The following MED12L variants were observed in gnomAD, a reference collection of about 807,000 sequenced individuals.
MED12L encodes the protein mediator complex subunit 12L.
In MED12L, 60 loss-of-function variants were observed where a neutral mutation model predicts 281.3. The ratio of observed to expected loss-of-function variants is 0.21; its 90% CI spans 0.17 to 0.26. The LOEUF (loss-of-function observed/expected upper bound fraction) is 0.26, where lower values mean the gene tolerates loss of function less well. Among genes scored for constraint, MED12L ranks in the 10% least tolerant of loss-of-function variants. The pLI, the probability that MED12L is intolerant of heterozygous loss-of-function variation, is 1.00. For synonymous variants in MED12L, 974 were observed against 987.2 expected, an observed-to-expected ratio of 0.99 and a Z score of 0.25; for missense variants, 2,146 against 2,680.9, an observed-to-expected ratio of 0.80 and a Z score of 4.41.
intron 25 of MED12L, among the ~76,000 whole-genome samples, chr3:151,369,160 G>A (rs763980521): frequency 1.1e-4 from 16 of 152,208 alleles, no homozygotes; most frequent in Admixed American, 2.6e-4. Context: ...ATAGGCATGT[G>A]TCTGTGTGAG....
intron 16 of MED12L, among the ~76,000 whole-genome samples, chr3:151,253,295 A>G (rs1198294310): frequency 6.6e-6 from 1 of 152,196 alleles, no homozygotes; most frequent in African/African-American, 2.4e-5. Flanking sequence ...CAAGTTTTGC[A>G]CTGTGCCGGA....
Position 151,385,171 on chromosome 3 carries a change from G to A in MED12L, c.5068G>A (p.Asp1690Asn). 6.5e-7 allele frequency: 1 copy of A among 1,539,116 alleles called. No homozygotes were observed. Among genetic ancestry groups the A allele is most frequent in the South Asian group, 1.2e-5 (1 of 84,432 alleles). The stretch of plus-strand genomic sequence containing the variant: ...AAAAGGAAACAAAATTGCTGGATTT[G>A]ACTCTATAGATAAAAAACAGGCAAG... ...DTKGNKIAGFDSIDKKQGLQV... is the reference protein window; with the variant it reads ...DTKGNKIAGFNSIDKKQGLQV... The change falls in exon 36 of 45, where the codon GAC becomes AAC. Residue 1690 changes from aspartate to asparagine, a missense_variant. Coordinates refer to ENST00000687756, the MANE Select transcript of MED12L (RefSeq NM_001393769.1).
intron 16 of MED12L, among the ~76,000 whole-genome samples, chr3:151,312,505 T>C (rs1318708490): frequency 1.3e-5 from 2 of 152,204 alleles, no homozygotes; most frequent in African/African-American, 4.8e-5. Flanking sequence ...AAGGGTACCC[T>C]CTAGACTCAA....
At position 151,382,731 on chromosome 3, in the gene MED12L, C is replaced by G. The variant is rs748672195; in HGVS notation, c.4666C>G (p.Leu1556Val). 2 of 1,610,214 alleles carry G rather than the reference C, an allele frequency of 1.2e-6. No homozygotes were observed. The highest frequency in any genetic ancestry group is 1.7e-6 in the Non-Finnish European group (2 of 1,177,946). Reference sequence around the variant, plus strand: ...GCAGATGATGCACGAAGCATTGCAACTCCGCCTAAATTTGGTAAGTGACAT... The same window carrying G: ...GCAGATGATGCACGAAGCATTGCAAGTCCGCCTAAATTTGGTAAGTGACAT... Reference protein sequence around the residue: ...ARQMMHEALQLRLNLVGGMFD... With the variant: ...ARQMMHEALQVRLNLVGGMFD... The change falls in exon 33 of 45, where the codon CTC becomes GTC. Residue 1556 changes from leucine to valine, a missense_variant. By Grantham distance (32) the Leu-to-Val change is conservative (BLOSUM62 1). Around this residue, in one of 9 missense-constraint regions of MED12L, gnomAD observed 212 missense variants for 340.8 expected, o/e 0.62. Coordinates refer to ENST00000687756, the MANE Select transcript of MED12L (RefSeq NM_001393769.1).
chr3:151,198,805 G>A lies in MED12L; in HGVS notation c.2250+5139G>A, dbSNP rs144167414. On this transcript the variant is annotated intron_variant, in intron 16 of 44. Transcript: ENST00000687756. ...TTACAAGGCAATTGGATATTAAAAT[G>A]ATGGCTGAGAAATTTAAAAATATTG... 7.9e-5 allele frequency: 128 copies of A among 1,613,308 alleles called. No homozygotes were observed. In the African/African-American group the frequency reaches 1.5e-3, roughly 19 times the overall value.
At chr3:151,293,474 C>G (rs1033948281) in intron 16 of MED12L, among the ~76,000 whole-genome samples, 1 of 151,944 alleles carries the variant, frequency 6.6e-6, no homozygotes, top group Non-Finnish European at 1.5e-5. Context: ...GCATGAAGCA[C>G]AGAGAGGAGG....
At chr3:151,123,012 T>TA (rs1713988672) in intron 4 of MED12L, 38 bp downstream of exon 4, 1 of 1,463,382 alleles carries the variant, frequency 6.8e-7, no homozygotes, top group South Asian at 1.3e-5. Flanking sequence ...GTTATGGTCT[T>TA]ATAATCAGCT....
intron 2 of MED12L, among the ~76,000 whole-genome samples, chr3:151,108,882 G>A (rs1160363479): frequency 2.6e-5 from 4 of 152,110 alleles, no homozygotes. Flanking sequence ...GTGCAAAAGA[G>A]CTTAAGAAAT....
rs760770904 is a variant in MED12L, at chr3:151,394,756, G to A, written c.5709G>A (p.Pro1903=). ...LQRRSGAMMQ[P]PSLHAITSQQ... is the part of the protein sequence containing the mutation. ...GGCGCTCAGGCGCCATGATGCAGCC[G>A]CCTTCTCTTCATGCAATCACATCGC... The change falls in exon 39 of 45, where the codon CCG becomes CCA. Residue 1903 remains proline (P), a synonymous_variant. Coordinates refer to ENST00000687756, the MANE Select transcript of MED12L (RefSeq NM_001393769.1). The A allele has an allele frequency of 2.2e-5, 35 of 1,614,128 alleles. No individual in the cohort carries two copies. Among genetic ancestry groups the A allele is most frequent in the African/African-American group, 2.7e-5 (2 of 74,956 alleles).
At chr3:151,421,670 A>G (rs1284808351) in intron 43 of MED12L, among the ~76,000 whole-genome samples, 1 of 152,166 alleles carries the variant, frequency 6.6e-6, no homozygotes, top group African/African-American at 2.4e-5. Context: ...GGACCTCCCA[A>G]AGTGCTGGGA....
Position 151,433,676 on chromosome 3 carries a change from A to G in MED12L, c.*872A>G, listed in dbSNP as rs1407494812. 2.0e-5 allele frequency: 3 copies of G among 152,622 alleles called. No homozygotes were observed. In the East Asian group the frequency reaches 5.8e-4, roughly 29 times the overall value. 9.5% of individuals were successfully genotyped at this position (152,622 alleles called of 1,614,324 possible). On this transcript the variant is annotated 3_prime_UTR_variant, in exon 45 of 45. Coordinates refer to ENST00000687756, the MANE Select transcript of MED12L (RefSeq NM_001393769.1). ...CCTTATGCCACCTTAAGGGGAAAAA[A>G]AAATCCAGTAGCTGGCTTGAGATTC...
chr3:151,337,829 C>A (rs1167999499), intron 16 of MED12L: 2 of 1,613,916 alleles, frequency 1.2e-6, no homozygotes, highest in South Asian at 1.1e-5. Flanking sequence ...ACATTGGAGT[C>A]TCTTCATTTG....
At chr3:151,405,514 A>G (rs1291831068) in intron 39 of MED12L, among the ~76,000 whole-genome samples, 3 of 152,174 alleles carry the variant, frequency 2.0e-5, no homozygotes, top group Non-Finnish European at 2.9e-5. Flanking sequence ...GCTCATACCT[A>G]TAATCCCAAC....
chr3:151,322,637 C>G (rs1749124593), intron 16 of MED12L, among the ~76,000 whole-genome samples: 1 of 152,136 alleles, frequency 6.6e-6, no homozygotes, highest in Non-Finnish European at 1.5e-5. Flanking sequence ...GTAGATTCAT[C>G]ACTTTTGACT....
intron 5 of MED12L, among the ~76,000 whole-genome samples, chr3:151,136,760 TAA>T (rs1476473962): frequency 3.3e-5 from 5 of 152,234 alleles, no homozygotes; most frequent in Admixed American, 1.3e-4. Context: ...CAGTTCTTTC[TAA>T]AAAAGGCAGA....
At chr3:151,189,094 A>G (rs1263534966) in intron 13 of MED12L, among the ~76,000 whole-genome samples, 1 of 152,250 alleles carries the variant, frequency 6.6e-6, no homozygotes. Flanking sequence ...ACAAAATGCA[A>G]CAGGGAGGAT....
intron 26 of MED12L, 105 bp from the exon 27 acceptor site, chr3:151,372,462 C>T (rs1756309643): frequency 6.5e-6 from 5 of 774,414 alleles, no homozygotes; most frequent in African/African-American, 3.4e-5. Context: ...AATAATAATA[C>T]TGTTCATATA....
At chr3:151,229,305 CTTTTTTTTTT>C (rs35097589) in intron 16 of MED12L, among the ~76,000 whole-genome samples, 2 of 112,520 alleles carry the variant, frequency 1.8e-5, no homozygotes, top group Admixed American at 9.4e-5. Context: ...TTCAGCAATT[CTTTTTTTTTT>C]TTTTTTTTTT....
At chr3:151,408,444 A>G (rs1177744915) in intron 39 of MED12L, among the ~76,000 whole-genome samples, 5 of 152,202 alleles carry the variant, frequency 3.3e-5, no homozygotes, top group East Asian at 1.9e-4. Context: ...AAATAATCCT[A>G]CAATAAATCT....
Sources: gnomAD v4.1 joint callset for allele counts (sites outside exome capture counted in the v4.1 genomes callset) on GRCh38, gnomAD v4.1.1 for gene constraint, gnomAD v4.1.1 regional missense constraint, MANE v1.5 for transcripts, NCBI Gene and HGNC (gene_info 2026-07-23, HGNC 2026-07-21) for gene names.